The following RHOBTB1 variants were observed in gnomAD, a reference collection of about 807,000 sequenced individuals.
RHOBTB1 encodes rho-related BTB domain-containing protein 1.
Under a neutral mutation model 71.6 loss-of-function variants are expected in RHOBTB1, and 40 were observed. The observed-to-expected ratio is 0.56, with a 90% CI of 0.43 to 0.73. The LOEUF (loss-of-function observed/expected upper bound fraction) is 0.73. Among genes scored for constraint, RHOBTB1 ranks in the 30% least tolerant of loss-of-function variants. The pLI, the probability that RHOBTB1 is intolerant of heterozygous loss-of-function variation, is 0.00. For synonymous variants in RHOBTB1, 319 were observed against 334.9 expected (o/e 0.95, Z 0.52); for missense variants, 797 against 894.0 (o/e 0.89, Z 1.38).
chr10:60,983,830 C>T (rs10994590), intron 2 of RHOBTB1, among the ~76,000 whole-genome samples: 78,034 of 152,026 alleles, frequency 0.51, 20,378 homozygotes, highest in East Asian at 0.77. Flanking sequence ...CAGAGCTTCC[C>T]GGCCCCGCCC....
At chr10:60,984,544 C>T (rs976483543) in intron 2 of RHOBTB1, among the ~76,000 whole-genome samples, 7 of 152,058 alleles carry the variant, frequency 4.6e-5, no homozygotes, top group Non-Finnish European at 1.0e-4. Context: ...TAACTGAAAA[C>T]CCATAAGACA....
At chr10:60,947,698 A>G (rs2085283759), upstream of RHOBTB1, among the ~76,000 whole-genome samples, 2 of 152,066 alleles carry the variant, frequency 1.3e-5, no homozygotes, top group African/African-American at 4.8e-5. Flanking sequence ...TATTGCATGG[A>G]TGTATCAGAG....
At chr10:60,920,007 G>A (rs1489806947) in intron 2 of RHOBTB1, among the ~76,000 whole-genome samples, 62 of 152,182 alleles carry the variant, frequency 4.1e-4, no homozygotes, top group Non-Finnish European at 1.5e-5. Context: ...ACCACCATAA[G>A]TGAACTGTGT....
At chr10:60,986,384 T>C (rs1469590217) in intron 1 of RHOBTB1, among the ~76,000 whole-genome samples, 2 of 130,092 alleles carry the variant, frequency 1.5e-5, no homozygotes, top group African/African-American at 3.1e-5. Flanking sequence ...TTCCAAGAAA[T>C]TAATGAAATA....
intron 2 of RHOBTB1, among the ~76,000 whole-genome samples, chr10:60,916,631 T>C (rs1041264107): frequency 6.6e-6 from 1 of 152,190 alleles, no homozygotes; most frequent in African/African-American, 2.4e-5. Flanking sequence ...CTAGGGATGA[T>C]GGGTCATGCC....
At chr10:60,965,142 A>G (rs1363155868) in intron 2 of RHOBTB1, among the ~76,000 whole-genome samples, 1 of 152,080 alleles carries the variant, frequency 6.6e-6, no homozygotes, top group Admixed American at 6.6e-5. Flanking sequence ...TACATATACA[A>G]AGAAACTTAC....
chr10:60,881,578 T>C (rs1022520371), intron 7 of RHOBTB1, among the ~76,000 whole-genome samples: 20 of 152,164 alleles, frequency 1.3e-4, no homozygotes, highest in African/African-American at 4.8e-4. Context: ...GTGTGACCTT[T>C]GATACATCTC....
rs1017207752 is a variant in RHOBTB1 at position 60,977,621 on chromosome 10, A to T, written c.-62+8224T>A. Among the ~76,000 whole-genome samples, 5 of 152,138 alleles carry T rather than the reference A, an allele frequency of 3.3e-5. No homozygotes were observed. The East Asian group carries it at 9.7e-4, about 29-fold the overall frequency. On this transcript the variant is annotated intron_variant, in intron 2 of 11. Coordinates refer to the RHOBTB1 transcript ENST00000357917. ...TACTGTTAATATTGTAAATTCTGTA[A>T]ATCTCAATACATCTTTTCTGTCCCA...
At chr10:60,910,734 A>ATTTTTT in intron 4 of RHOBTB1, 153 bp downstream of exon 4, 4 of 560,386 alleles carry the variant, frequency 7.1e-6, no homozygotes, top group African/African-American at 1.9e-5. Context: ...AAACAATACC[A>ATTTTTT]TTTTTTTTTC....
downstream of RHOBTB1, among the ~76,000 whole-genome samples, chr10:60,866,619 C>T (rs997183677): frequency 6.6e-6 from 1 of 152,000 alleles, no homozygotes; most frequent in Non-Finnish European, 1.5e-5. Flanking sequence ...GCAATGAAAA[C>T]GAATTGCTCC....
intron 2 of RHOBTB1, among the ~76,000 whole-genome samples, chr10:60,926,494 A>G (rs2083892089): frequency 6.6e-6 from 1 of 152,230 alleles, no homozygotes; most frequent in Non-Finnish European, 1.5e-5. Flanking sequence ...TAATGCTAGC[A>G]AATCAAATTC....
At chr10:60,884,891 G>A (rs1380752546) in intron 7 of RHOBTB1, among the ~76,000 whole-genome samples, 1 of 152,104 alleles carries the variant, frequency 6.6e-6, no homozygotes, top group Non-Finnish European at 1.5e-5. Context: ...CACTTAGATG[G>A]GAGGAATAAA....
At chr10:60,874,236 C>G (rs1000405313) in intron 9 of RHOBTB1, among the ~76,000 whole-genome samples, 1 of 152,218 alleles carries the variant, frequency 6.6e-6, no homozygotes, top group African/African-American at 2.4e-5. Context: ...CATTGTTAAT[C>G]AGCCTGTGCC....
intron 1 of RHOBTB1, among the ~76,000 whole-genome samples, chr10:60,993,397 A>C (rs2086935298): frequency 6.6e-6 from 1 of 152,196 alleles, no homozygotes; most frequent in African/African-American, 2.4e-5. Context: ...TACAATACTC[A>C]AGCTTTCTTC....
chr10:60,867,552 C>A (rs78151882), downstream of RHOBTB1, among the ~76,000 whole-genome samples: 6,739 of 152,286 alleles, frequency 0.044, 294 homozygotes, highest in African/African-American at 0.11. Flanking sequence ...AATTCTTTCA[C>A]GTCTGTGGAT....
At chr10:60,939,590 G>C (rs868275473) in intron 2 of RHOBTB1, among the ~76,000 whole-genome samples, 1 of 151,824 alleles carries the variant, frequency 6.6e-6, no homozygotes. Flanking sequence ...GTTTTGTTTT[G>C]GTGTTGTGAT....
chr10:60,988,293 A>G (rs1361785101), intron 1 of RHOBTB1, among the ~76,000 whole-genome samples: 6 of 152,214 alleles, frequency 3.9e-5, no homozygotes, highest in Non-Finnish European at 7.4e-5. Flanking sequence ...CTAAGATTTT[A>G]TTTTTTAAAA....
chr10:60,892,735 C>T (rs1327026973), intron 5 of RHOBTB1, 75 bp downstream of exon 5: 1 of 1,321,008 alleles, frequency 7.6e-7, no homozygotes, highest in Non-Finnish European at 1.0e-6. Context: ...AGCAGAACAC[C>T]AGGCTACAGA....
chr10:60,926,760 G>A (rs2083906845), intron 2 of RHOBTB1, among the ~76,000 whole-genome samples: 1 of 152,132 alleles, frequency 6.6e-6, no homozygotes, highest in Non-Finnish European at 1.5e-5. Context: ...ACAACAGACT[G>A]GCAGCTAGTA....
Sources: gnomAD v4.1 joint callset for allele counts (sites outside exome capture counted in the v4.1 genomes callset) on GRCh38, gnomAD v4.1.1 for gene constraint, MANE v1.5 for transcripts, NCBI Gene and HGNC (gene_info 2026-07-23, HGNC 2026-07-21) for gene names.